Variants in COG5 observed in about 807,000 individuals in gnomAD.
The protein encoded by COG5 is component of oligomeric golgi complex 5.
COG5 carries 86 observed loss-of-function variants against 110.4 expected under a neutral mutation model. The ratio of observed to expected loss-of-function variants is 0.78; its 90% CI spans 0.65 to 0.93. The LOEUF is 0.93. Among genes scored for constraint, COG5 ranks in the 40% least tolerant of loss-of-function variants. The pLI is 0.00. For missense variants in COG5, 1,077 were observed against 987.0 expected (o/e 1.09, Z -1.22); for synonymous variants, 360 against 334.6 (o/e 1.08, Z -0.83).
At chr7:107,331,643 T>C (rs1032412588) in intron 10 of COG5, among the ~76,000 whole-genome samples, 4 of 152,076 alleles carry the variant, frequency 2.6e-5, no homozygotes, top group African/African-American at 9.7e-5. Context: ...GGAAAACTGA[T>C]ACAACTTGAT....
intron 18 of COG5, among the ~76,000 whole-genome samples, chr7:107,235,598 G>A (rs892929093): frequency 6.6e-6 from 1 of 152,204 alleles, no homozygotes; most frequent in Non-Finnish European, 1.5e-5. Flanking sequence ...AGCTACTCGG[G>A]AAGCTGAGGC....
intron 1 of COG5, among the ~76,000 whole-genome samples, chr7:107,561,736 G>A (rs1803789031): frequency 6.6e-6 from 1 of 152,174 alleles, no homozygotes; most frequent in Non-Finnish European, 1.5e-5. Flanking sequence ...CAGCACTCTG[G>A]GAGGCCAAGG....
chr7:107,561,320 A>T (rs950506634), intron 1 of COG5, among the ~76,000 whole-genome samples: 1 of 152,196 alleles, frequency 6.6e-6, no homozygotes, highest in African/African-American at 2.4e-5. Context: ...TAGTGAATCA[A>T]AGTTTCTGCT....
intron 12 of COG5, among the ~76,000 whole-genome samples, chr7:107,287,587 A>G (rs1314759786): frequency 6.6e-6 from 1 of 152,192 alleles, no homozygotes. Context: ...CAATTTTAGA[A>G]CATTTTATCA....
intron 6 of COG5, among the ~76,000 whole-genome samples, chr7:107,488,253 A>AT (rs1797769443): frequency 6.6e-6 from 1 of 151,746 alleles, no homozygotes; most frequent in African/African-American, 2.4e-5. Flanking sequence ...ATAACCAAAC[A>AT]TAAGTGTAAA....
chr7:107,551,246 G>A (rs563886311), intron 3 of COG5, among the ~76,000 whole-genome samples: 18 of 152,216 alleles, frequency 1.2e-4, no homozygotes, highest in Admixed American at 8.5e-4. Flanking sequence ...GTTTCACCAT[G>A]TTAGCCAGGA....
intron 6 of COG5, among the ~76,000 whole-genome samples, chr7:107,419,487 G>A (rs1309520753): frequency 2.0e-5 from 3 of 150,176 alleles, no homozygotes; most frequent in Non-Finnish European, 4.4e-5. Context: ...AAAAGAAAAA[G>A]AAAAAGAGAA....
chr7:107,393,049 C>T (rs1461417864), intron 7 of COG5, among the ~76,000 whole-genome samples: 1 of 152,106 alleles, frequency 6.6e-6, no homozygotes, highest in Non-Finnish European at 1.5e-5. Flanking sequence ...CTTCTTGCCT[C>T]GCATACCAGA....
At chr7:107,539,686 A>G (rs1801839285) in intron 5 of COG5, among the ~76,000 whole-genome samples, 1 of 152,176 alleles carries the variant, frequency 6.6e-6, no homozygotes, top group Non-Finnish European at 1.5e-5. Flanking sequence ...AAAAACCCCT[A>G]AACTGTACAT....
At position 107,202,295 on chromosome 7, in the gene COG5, T is replaced by G. The variant is rs2116063278; in HGVS notation, c.*1221A>C. 6.5e-6 allele frequency: 1 copy of G among 152,758 alleles called. No individual in the cohort carries two copies. The highest frequency in any genetic ancestry group is 1.5e-5 in the Non-Finnish European group (1 of 68,018). The allele number at this position is 152,758 out of a possible 1,614,324, so 9.5% of individuals were successfully genotyped here. A position where few individuals can be genotyped will look rare whatever the true frequency, so the allele number is the denominator to read the frequency against. ...TGCAGTGCAACACTTGCACTTTAAT[T>G]TTCCTCCAACTGTCTAAAATTAGAG... On this transcript the variant is annotated 3_prime_UTR_variant, in exon 22 of 22. Coordinates refer to ENST00000297135, the MANE Select transcript of COG5 (RefSeq NM_006348.5).
intron 6 of COG5, among the ~76,000 whole-genome samples, chr7:107,425,042 G>C (rs1793555176): frequency 6.6e-6 from 1 of 151,996 alleles, no homozygotes; most frequent in Non-Finnish European, 1.5e-5. Context: ...ACATCCAAAA[G>C]AAGAATATAA....
intron 21 of COG5, chr7:107,208,893 T>G: frequency 1.0e-6 from 1 of 985,452 alleles, no homozygotes; most frequent in Non-Finnish European, 1.2e-6. Context: ...TCTTTCATCC[T>G]AACTGAAATA....
At chr7:107,297,970 G>A (rs1242112988) in intron 12 of COG5, among the ~76,000 whole-genome samples, 172 bp downstream of exon 12, 1 of 151,932 alleles carries the variant, frequency 6.6e-6, no homozygotes, top group Non-Finnish European at 1.5e-5. Flanking sequence ...GTGAAAAATT[G>A]ACTTATTCAG....
At chr7:107,563,270 G>A (rs942554649) in intron 1 of COG5, among the ~76,000 whole-genome samples, 30 of 151,924 alleles carry the variant, frequency 2.0e-4, no homozygotes, top group Admixed American at 1.9e-3. Context: ...TCCCCCACGT[G>A]TCACTGTAGA....
At chr7:107,304,363 C>T (rs117727557) in intron 11 of COG5, among the ~76,000 whole-genome samples, 1,757 of 152,240 alleles carry the variant, frequency 0.012, 14 homozygotes, top group Non-Finnish European at 0.018. Flanking sequence ...TATTGACTGT[C>T]CTTCCCCTTT....
At chr7:107,475,270 T>A (rs752419324) in intron 6 of COG5, 1 of 1,600,532 alleles carries the variant, frequency 6.2e-7, no homozygotes, top group South Asian at 1.1e-5. Context: ...AATACACAAC[T>A]CTTGGATAGA....
At chr7:107,315,039 CTAAAAAGTACTTTAAATGAGTATA>C (rs1808605989) in intron 11 of COG5, among the ~76,000 whole-genome samples, 2 of 151,928 alleles carry the variant, frequency 1.3e-5, no homozygotes, top group Admixed American at 1.3e-4. Context: ...GATCAAAATT[CTAAAAAGTACTTTAAATGAGTATA>C]TTAGGTTTAT....
In COG5 at chr7:107,496,146, G is replaced by A. The variant is rs75884441; in HGVS notation, c.538+31091C>T. Among the ~76,000 whole-genome samples, 997 of 151,962 alleles carry A rather than the reference G, an allele frequency of 6.6e-3. 11 individuals carry two copies. Among genetic ancestry groups the A allele is most frequent in the African/African-American group, 0.022 (926 of 41,458 alleles). On this transcript the variant is annotated intron_variant, in intron 6 of 21. Coordinates refer to ENST00000297135, the MANE Select transcript of COG5 (RefSeq NM_006348.5). Reference sequence around the variant, plus strand: ...ACTCTTCCCAAAAATTAAAGAGAACGGAATGCTTCCTAACTCAGTCTATGA... The same window carrying A: ...ACTCTTCCCAAAAATTAAAGAGAACAGAATGCTTCCTAACTCAGTCTATGA...
intron 10 of COG5, among the ~76,000 whole-genome samples, chr7:107,353,810 A>G (rs1812387811): frequency 6.6e-6 from 1 of 152,016 alleles, no homozygotes; most frequent in Admixed American, 6.5e-5. Flanking sequence ...CATTATAGCC[A>G]TCAACTGTAA....
Sources: gnomAD v4.1 joint callset for allele counts (sites outside exome capture counted in the v4.1 genomes callset) on GRCh38, gnomAD v4.1.1 for gene constraint, MANE v1.5 for transcripts, NCBI Gene and HGNC (gene_info 2026-07-23, HGNC 2026-07-21) for gene names.